Variants in SPEG observed in about 807,000 individuals in gnomAD.
SPEG encodes striated muscle enriched protein kinase.
A neutral mutation model predicts 300.4 loss-of-function variants in SPEG; 114 were observed. The observed-to-expected ratio is 0.38, with a 90% CI of 0.33 to 0.44. The LOEUF (loss-of-function observed/expected upper bound fraction) is 0.44, where lower values mean the gene tolerates loss of function less well. Among genes scored for constraint, SPEG ranks in the 20% least tolerant of loss-of-function variants. SPEG has a pLI of 1.00. For synonymous variants in SPEG, 1,964 were observed against 2,018.9 expected, an observed-to-expected ratio of 0.97 and a Z score of 0.73; for missense variants, 4,201 against 4,586.2, an observed-to-expected ratio of 0.92 and a Z score of 2.43.
Position 219,479,650 on chromosome 2 carries a change from A to C in SPEG, c.5086-133A>C. On this transcript the variant is annotated intron_variant, in intron 23 of 40. Coordinates refer to ENST00000312358, the MANE Select transcript of SPEG (RefSeq NM_005876.5). This position sits in a 1 kb window ranked among gnomAD's most constrained non-coding sequence, Gnocchi z 5.5. ...GGTAGCCTTGGATCTTTGCAACCCC[A>C]AACCTGTTTCAGCCCCTTCCACGAG... 6 of 783,732 alleles carry C rather than the reference A, an allele frequency of 7.7e-6. No homozygotes were observed. Among genetic ancestry groups the C allele is most frequent in the Non-Finnish European group, 1.3e-5 (6 of 456,632 alleles). 48.5% of individuals were successfully genotyped at this position (783,732 alleles called of 1,614,324 possible).
At position 219,467,303 on chromosome 2, in the gene SPEG, G is replaced by A. The variant is rs1214639088; in HGVS notation, c.3011G>A (p.Arg1004His). ...PTDVEVDWLCRGRLLQPALLK... is the reference protein window; with the variant it reads ...PTDVEVDWLCHGRLLQPALLK... ...GACGTGGAGGTGGATTGGCTGTGCCGTGGCCGCCTGCTGCAGCCTGCACTG... is the reference window on the plus strand; with the variant it reads ...GACGTGGAGGTGGATTGGCTGTGCCATGGCCGCCTGCTGCAGCCTGCACTG... Residue 1004 changes from arginine (R) to histidine (H), a missense_variant, in exon 10 of 41, where the codon CGT becomes CAT. Arg to His is a conservative substitution (Grantham distance 29). Transcript: ENST00000312358. 4.3e-6 allele frequency: 7 copies of A among 1,610,564 alleles called. No homozygotes were observed. The highest frequency in any genetic ancestry group is 2.7e-5 in the African/African-American group (2 of 74,930).
Position 219,484,355 on chromosome 2 carries a change from G to T in SPEG, c.6892G>T (p.Gly2298Trp), listed in dbSNP as rs774455956. 1.9e-6 allele frequency: 3 copies of T among 1,605,766 alleles called. No individual in the cohort carries two copies. The South Asian group carries it at 3.3e-5, about 18-fold the overall frequency. ...CCCCGAGAAGCGCGTGCCCTCAGCCGGGGGTCCCCCGGTGCTAGCCGAGAA... is the reference window on the plus strand; with the variant it reads ...CCCCGAGAAGCGCGTGCCCTCAGCCTGGGGTCCCCCGGTGCTAGCCGAGAA... ...GAPEKRVPSA[G>W]GPPVLAEKAR... The change falls in exon 30 of 41, where the codon GGG becomes TGG. Residue 2298 changes from glycine to tryptophan, a missense_variant. Transcript: ENST00000312358.
chr2:219,489,349 G>A lies in SPEG; in HGVS notation c.8331G>A (p.Val2777=). The part of the protein sequence containing the change: ...FVRGTQDSSA[V]PSAAHQEAPV... The stretch of plus-strand genomic sequence containing the variant: ...TCTCTCTCTTAGATTCTTCAGCTGT[G>A]CCATCTGCTGCCCACCAAGAGGCCC... Residue 2777 remains valine, a synonymous_variant, in exon 36 of 41, where the codon GTG becomes GTA. Coordinates refer to ENST00000312358, the MANE Select transcript of SPEG (RefSeq NM_005876.5). 6.2e-7 allele frequency: 1 copy of A among 1,613,490 alleles called. No individual in the cohort carries two copies. The highest frequency in any genetic ancestry group is 1.1e-5 in the South Asian group (1 of 91,076).
chr2:219,491,910 C>G (rs6747090), intron 39 of SPEG, 41 bp downstream of exon 39: 1 of 1,526,524 alleles, frequency 6.6e-7, no homozygotes, highest in Non-Finnish European at 8.9e-7. Flanking sequence ...TCTGCCCATA[C>G]AGTGAGCTCC....
chr2:219,485,274 C>T, intron 30 of SPEG, 72 bp from the exon 31 acceptor site: 3 of 1,545,786 alleles, frequency 1.9e-6, no homozygotes, highest in East Asian at 4.6e-5. Flanking sequence ...GTTCTCTGGG[C>T]TGAGGGCTGC....
Position 219,460,502 on chromosome 2 carries a change from T to C in SPEG, c.2441-1380T>C, listed in dbSNP as rs1429252790. 9.1e-6 allele frequency: 9 copies of C among 985,250 alleles called. No homozygotes were observed. In the African/African-American group the frequency reaches 1.6e-4, roughly 17 times the overall value. 61.0% of individuals were successfully genotyped at this position (985,250 alleles called of 1,614,324 possible). Reference sequence around the variant, plus strand: ...TATTGGCACAGCGCAGTGCCACCCCTCCCCTGTCTTGCTCGGGGACGGAGG... The same window carrying C: ...TATTGGCACAGCGCAGTGCCACCCCCCCCCTGTCTTGCTCGGGGACGGAGG... On this transcript the variant is annotated intron_variant, in intron 6 of 40. Coordinates refer to ENST00000312358, the MANE Select transcript of SPEG (RefSeq NM_005876.5).
In SPEG at chr2:219,461,872, C is replaced by A. The variant is rs759306092; in HGVS notation, c.2441-10C>A. 1 of 1,612,672 alleles carries A rather than the reference C, an allele frequency of 6.2e-7. No homozygotes were observed. Among genetic ancestry groups the A allele is most frequent in the Non-Finnish European group, 8.5e-7 (1 of 1,179,204 alleles). ...CTTCCTCCCTGGTAGCTATCTCTGT[C>A]TCTCTCCAGGTGGGTCTACATCCCC... On this transcript the variant is annotated splice_polypyrimidine_tract_variant and intron_variant, in intron 6 of 40. Coordinates refer to ENST00000312358, the MANE Select transcript of SPEG (RefSeq NM_005876.5).
In SPEG at chr2:219,444,080, C is replaced by G; in HGVS notation, c.389-573C>G. ...TTACGGTAGGAAACTGGCTCCTGCT[C>G]TAGCCCCCCGCATCCCCCCCTTTCC... is the stretch of plus-strand genomic sequence containing the variant. On this transcript the variant is annotated intron_variant, in intron 1 of 40. Transcript: ENST00000312358. The surrounding 1 kb of genome is among the most constrained non-coding windows in gnomAD (Gnocchi z 7.8). 1.5e-6 allele frequency: 2 copies of G among 1,361,808 alleles called. No individual in the cohort carries two copies. Among genetic ancestry groups the G allele is most frequent in the East Asian group, 4.6e-5 (1 of 21,792 alleles). 84.4% of individuals were successfully genotyped at this position (1,361,808 alleles called of 1,614,324 possible).
chr2:219,437,969 T>A (rs1258981094), intron 1 of SPEG, among the ~76,000 whole-genome samples: 1 of 152,110 alleles, frequency 6.6e-6, no homozygotes, highest in African/African-American at 2.4e-5. Flanking sequence ...CTGGCTGGGA[T>A]TGCTGGCTCA....
Position 219,479,085 on chromosome 2 carries a change from G to C in SPEG, c.5028-59G>C. On this transcript the variant is annotated intron_variant, in intron 22 of 40. Transcript: ENST00000312358. This position sits in a 1 kb window ranked among gnomAD's most constrained non-coding sequence, Gnocchi z 5.5. Reference sequence around the variant, plus strand: ...CGTGCTGAGCTGGGACCTGCCCTGAGCGCTGGGCTGGGCCGGGCAGTTGGC... The same window carrying C: ...CGTGCTGAGCTGGGACCTGCCCTGACCGCTGGGCTGGGCCGGGCAGTTGGC... 2.6e-6 allele frequency: 4 copies of C among 1,511,818 alleles called. No homozygotes were observed. The highest frequency in any genetic ancestry group is 2.3e-5 in the East Asian group (1 of 44,390). 93.7% of individuals were successfully genotyped at this position (1,511,818 alleles called of 1,614,324 possible). A position where few individuals can be genotyped will look rare whatever the true frequency, so the allele number is the denominator to read the frequency against.
In SPEG at chr2:219,492,799, C is replaced by G; in HGVS notation, c.*13C>G. 6.4e-7 allele frequency: 1 copy of G among 1,570,624 alleles called. No homozygotes were observed. The highest frequency in any genetic ancestry group is 1.3e-5 in the African/African-American group (1 of 74,324). ...TGGCGGCCCCTAGAGGCACGGACCA[C>G]AGCCAGGCCTCGGGCTTCAACTGGG... On this transcript the variant is annotated 3_prime_UTR_variant, in exon 41 of 41. Coordinates refer to ENST00000312358, the MANE Select transcript of SPEG (RefSeq NM_005876.5).
At chr2:219,437,011 A>C (rs1954737146) in intron 1 of SPEG, among the ~76,000 whole-genome samples, 1 of 152,168 alleles carries the variant, frequency 6.6e-6, no homozygotes, top group African/African-American at 2.4e-5. Context: ...GTTGGAAAGG[A>C]CCACAGAGAA....
rs190001816 is a variant in SPEG at position 219,481,656 on chromosome 2, G to A, written c.5541G>A (p.Glu1847=). Residue 1847 remains glutamate (E), a synonymous_variant, in exon 28 of 41, where the codon GAG becomes GAA. Coordinates refer to ENST00000312358, the MANE Select transcript of SPEG (RefSeq NM_005876.5). The surrounding 1 kb of genome is among the most constrained non-coding windows in gnomAD (Gnocchi z 5.4). ...TTCACAGGAGACCTACCGCAGAAGAGACCCTAGAACATCCTTGGTTCAAAG... is the reference window on the plus strand; with the variant it reads ...TTCACAGGAGACCTACCGCAGAAGAAACCCTAGAACATCCTTGGTTCAAAG... The part of the protein sequence containing the change: ...VQDRLRPTAE[E]TLEHPWFKTQ... The A allele has an allele frequency of 9.3e-5, 150 of 1,614,154 alleles. No individual in the cohort carries two copies. The African/African-American group carries it at 1.8e-3, about 20-fold the overall frequency.
Position 219,443,441 on chromosome 2 carries a change from G to A in SPEG, c.389-1212G>A, listed in dbSNP as rs944882181. The A allele has an allele frequency of 1.3e-5, 6 of 478,428 alleles. No homozygotes were observed. Among genetic ancestry groups the A allele is most frequent in the African/African-American group, 2.0e-5 (1 of 51,124 alleles). 29.6% of individuals were successfully genotyped at this position (478,428 alleles called of 1,614,324 possible). A position where few individuals can be genotyped will look rare whatever the true frequency, so the allele number is the denominator to read the frequency against. On this transcript the variant is annotated intron_variant, in intron 1 of 40. Transcript: ENST00000312358. The surrounding 1 kb of genome is among the most constrained non-coding windows in gnomAD (Gnocchi z 4.6). ...GTTCATTGCCATGCTTTGGCAACCA[G>A]TACGTGGCTCCTGCTTGTCATGGCA...
chr2:219,476,522 AAG>A (rs1355548469), intron 18 of SPEG, among the ~76,000 whole-genome samples: 1 of 152,214 alleles, frequency 6.6e-6, no homozygotes, highest in African/African-American at 2.4e-5. Context: ...CTGATTTTTC[AAG>A]AGAGGCAGGA....
In SPEG at chr2:219,451,841, G is replaced by A; in HGVS notation, c.2440+34G>A. The A allele has an allele frequency of 6.7e-7, 1 of 1,494,420 alleles. No homozygotes were observed. Among genetic ancestry groups the A allele is most frequent in the Non-Finnish European group, 9.0e-7 (1 of 1,114,486 alleles). The allele number at this position is 1,494,420 out of a possible 1,614,324, so 92.6% of individuals were successfully genotyped here. A position where few individuals can be genotyped will look rare whatever the true frequency, so the allele number is the denominator to read the frequency against. ...CCCATCAACCCTGGGGCTGGGTGGG[G>A]GCAAGCCGTGACTCTCCCCTGGCCC... On this transcript the variant is annotated intron_variant, in intron 6 of 40. Coordinates refer to ENST00000312358, the MANE Select transcript of SPEG (RefSeq NM_005876.5). The surrounding 1 kb of genome is among the most constrained non-coding windows in gnomAD (Gnocchi z 6.4).
Position 219,481,745 on chromosome 2 carries a change from T to G in SPEG, c.5565+65T>G. ...GGAGAGAGAATGTTACTAACAGCTC[T>G]ATTTATTGAGTACCTACTGTGTGCA... On this transcript the variant is annotated intron_variant, in intron 28 of 40. Transcript: ENST00000312358. This position sits in a 1 kb window ranked among gnomAD's most constrained non-coding sequence, Gnocchi z 5.4. 62 of 1,437,560 alleles carry G rather than the reference T, an allele frequency of 4.3e-5. No homozygotes were observed. The highest frequency in any genetic ancestry group is 5.7e-5 in the Non-Finnish European group (58 of 1,020,062). The allele number at this position is 1,437,560 out of a possible 1,614,324, so 89.1% of individuals were successfully genotyped here.
At position 219,477,460 on chromosome 2, in the gene SPEG, C is replaced by T. The variant is rs186738062; in HGVS notation, c.4729+15C>T. ...TGTGCATTCAGGTAGGCAGGAGTTC[C>T]GGAGAAAGGTAAAGCGCACACCCCC... On this transcript the variant is annotated intron_variant, in intron 20 of 40. Coordinates refer to ENST00000312358, the MANE Select transcript of SPEG (RefSeq NM_005876.5). This position sits in a 1 kb window ranked among gnomAD's most constrained non-coding sequence, Gnocchi z 6.4. 18 of 1,562,180 alleles carry T rather than the reference C, an allele frequency of 1.2e-5. No homozygotes were observed. The Admixed American group carries it at 1.4e-4, about 12-fold the overall frequency.
rs549130285 is a variant in SPEG, at chr2:219,449,164, G to A, written c.2006G>A (p.Arg669Lys). The A allele has an allele frequency of 2.1e-6, 3 of 1,408,680 alleles. No individual in the cohort carries two copies. Among genetic ancestry groups the A allele is most frequent in the African/African-American group, 3.0e-5 (2 of 65,792 alleles). The allele number at this position is 1,408,680 out of a possible 1,614,324, so 87.3% of individuals were successfully genotyped here. ...KNRAGPEAEK[R>K]LRRGPEEDGP... is the part of the protein sequence containing the mutation. Reference sequence around the variant, plus strand: ...AGGGCGGGGCCTGAGGCAGAGAAGAGGCTTCGCAGAGGGCCGGAGGAGGAC... The same window carrying A: ...AGGGCGGGGCCTGAGGCAGAGAAGAAGCTTCGCAGAGGGCCGGAGGAGGAC... Residue 669 changes from arginine (R) to lysine (K), a missense_variant, in exon 4 of 41, where the codon AGG becomes AAG. Arg to Lys is a conservative substitution (Grantham distance 26). Coordinates refer to ENST00000312358, the MANE Select transcript of SPEG (RefSeq NM_005876.5).
Sources: gnomAD v4.1 joint callset for allele counts (sites outside exome capture counted in the v4.1 genomes callset) on GRCh38, gnomAD v4.1.1 for gene constraint, Gnocchi (gnomAD v3.1) non-coding constraint, MANE v1.5 for transcripts, NCBI Gene and HGNC (gene_info 2026-07-23, HGNC 2026-07-21) for gene names.